HSD17B4: variants seen among roughly 807,000 people sequenced by gnomAD.
HSD17B4 encodes hydroxysteroid 17-beta dehydrogenase 4, also known as peroxisomal multifunctional enzyme type 2.
In HSD17B4, 70 loss-of-function variants were observed where a neutral mutation model predicts 101.0. The ratio of observed to expected loss-of-function variants is 0.69; its 90% CI spans 0.57 to 0.85. The LOEUF (loss-of-function observed/expected upper bound fraction) is 0.85. Among genes scored for constraint, HSD17B4 ranks in the 40% least tolerant of loss-of-function variants. The probability of loss-of-function intolerance (pLI) is 0.00; values close to 1 mark genes in which losing one functional copy is unlikely to be tolerated. For synonymous variants in HSD17B4, 347 were observed against 297.1 expected (o/e 1.17, Z -1.73); for missense variants, 984 against 892.4 (o/e 1.10, Z -1.31).
At chr5:119,473,793 G>A (rs570108148) in intron 2 of HSD17B4, 115 bp from the exon 3 acceptor site, 11 of 731,930 alleles carry the variant, frequency 1.5e-5, no homozygotes, top group Non-Finnish European at 2.8e-5. Flanking sequence ...GGAAGGAACT[G>A]GGCAGATGAC....
At chr5:119,471,736 GGC>G in intron 2 of HSD17B4, 1 of 1,100,656 alleles carries the variant, frequency 9.1e-7, no homozygotes, top group Non-Finnish European at 1.3e-6. Flanking sequence ...CAAGTTATTT[GGC>G]ATTTATCTAT....
At chr5:119,459,041 A>G (rs1754953968) in intron 2 of HSD17B4, among the ~76,000 whole-genome samples, 1 of 152,236 alleles carries the variant, frequency 6.6e-6, no homozygotes, top group South Asian at 2.1e-4. Context: ...ATTGAATTAC[A>G]ATCTTTTTAA....
chr5:119,536,001 C>G (rs1056449505), intron 22 of HSD17B4: 3 of 225,092 alleles, frequency 1.3e-5, no homozygotes, highest in African/African-American at 7.1e-5. Context: ...GTTATGGACT[C>G]TTTCAGAAGC....
intron 16 of HSD17B4, among the ~76,000 whole-genome samples, chr5:119,512,624 A>G (rs1752279658): frequency 6.6e-6 from 1 of 152,190 alleles, no homozygotes; most frequent in East Asian, 1.9e-4. Flanking sequence ...TGAGCTTTCT[A>G]AAATAAATAT....
At chr5:119,523,428 A>C (rs900819364) in intron 17 of HSD17B4, among the ~76,000 whole-genome samples, 5 of 152,180 alleles carry the variant, frequency 3.3e-5, no homozygotes, top group African/African-American at 1.2e-4. Context: ...TCTTCAAAAT[A>C]CGTAGAAGAT....
chr5:119,534,919 A>T (rs1034145231), intron 22 of HSD17B4, among the ~76,000 whole-genome samples: 1 of 152,068 alleles, frequency 6.6e-6, no homozygotes, highest in East Asian at 1.9e-4. Context: ...ACAATTTCTG[A>T]CTTTCCATCT....
chr5:119,473,826 G>A (rs28488436), intron 2 of HSD17B4, 82 bp from the exon 3 acceptor site: 85 of 836,906 alleles, frequency 1.0e-4, no homozygotes, highest in African/African-American at 9.1e-4. Flanking sequence ...CTAGTAATTA[G>A]AATTTCATTT....
At chr5:119,477,562 A>G in intron 7 of HSD17B4, 61 bp downstream of exon 7, 1 of 1,052,732 alleles carries the variant, frequency 9.5e-7, no homozygotes, top group Admixed American at 1.7e-5. Context: ...GTTCTTGTGT[A>G]CAGGGAAAGA....
At chr5:119,475,372 A>G (rs1436777752) in intron 4 of HSD17B4, among the ~76,000 whole-genome samples, 1 of 152,116 alleles carries the variant, frequency 6.6e-6, no homozygotes, top group Non-Finnish European at 1.5e-5. Context: ...TTTGAGGTTA[A>G]GTGTAGAATG....
intron 17 of HSD17B4, among the ~76,000 whole-genome samples, chr5:119,516,897 A>G (rs1023964636): frequency 1.3e-5 from 2 of 152,266 alleles, no homozygotes; most frequent in African/African-American, 4.8e-5. Flanking sequence ...GAGAAGGGAT[A>G]CTTATTAGGG....
intron 15 of HSD17B4, among the ~76,000 whole-genome samples, chr5:119,508,542 A>T (rs1580650535): frequency 6.6e-6 from 1 of 152,218 alleles, no homozygotes; most frequent in East Asian, 1.9e-4. Context: ...AAATAGAGGG[A>T]CAGCTGTCTT....
chr5:119,491,418 T>G (rs1034234977), intron 9 of HSD17B4, among the ~76,000 whole-genome samples: 23 of 152,014 alleles, frequency 1.5e-4, no homozygotes, highest in Middle Eastern at 6.8e-3. Context: ...AGTTGTGGTG[T>G]TTGAAGTGAC....
At chr5:119,491,994 T>A (rs1750151307) in intron 9 of HSD17B4, 106 bp from the exon 10 acceptor site, 1 of 874,812 alleles carries the variant, frequency 1.1e-6, no homozygotes, top group Non-Finnish European at 2.0e-6. Context: ...CCTGTTGCCT[T>A]GAATTCTAAT....
chr5:119,508,572 A>G (rs1367109723), intron 15 of HSD17B4, among the ~76,000 whole-genome samples: 1 of 152,188 alleles, frequency 6.6e-6, no homozygotes, highest in East Asian at 1.9e-4. Context: ...TTGCTCACTT[A>G]TTTGCTAACT....
rs998614375 is a variant in HSD17B4 at position 119,509,334 on chromosome 5, A to G, written c.1437+90A>G. 9 of 875,284 alleles carry G rather than the reference A, an allele frequency of 1.0e-5. No individual in the cohort carries two copies. The South Asian group carries it at 1.1e-4, about 10-fold the overall frequency. 54.2% of individuals were successfully genotyped at this position (875,284 alleles called of 1,614,324 possible). ...CTTGAACAGCATGAGTTTGAACTGC[A>G]TGAGCCCACTTATAGGCAAATTTTC... On this transcript the variant is annotated intron_variant, in intron 16 of 23. Transcript: ENST00000510025.
chr5:119,456,244 A>T, intron 1 of HSD17B4, 71 bp from the exon 2 acceptor site: 2 of 912,568 alleles, frequency 2.2e-6, no homozygotes, highest in South Asian at 1.3e-5. Flanking sequence ...TTAAATGGGG[A>T]TTGAGTTGAG....
At chr5:119,500,940 A>G (rs532480631) in intron 13 of HSD17B4, among the ~76,000 whole-genome samples, 4 of 152,212 alleles carry the variant, frequency 2.6e-5, no homozygotes, top group African/African-American at 9.6e-5. Flanking sequence ...ATGAGCTGGT[A>G]TCTGTAACTT....
At chr5:119,462,154 T>C (rs1755305136) in intron 2 of HSD17B4, among the ~76,000 whole-genome samples, 1 of 151,372 alleles carries the variant, frequency 6.6e-6, no homozygotes, top group African/African-American at 2.4e-5. Flanking sequence ...CCCTTGACTA[T>C]CATAGTCTTA....
chr5:119,458,425 C>T (rs774002662), intron 2 of HSD17B4, among the ~76,000 whole-genome samples: 4 of 150,810 alleles, frequency 2.7e-5, no homozygotes, highest in African/African-American at 4.9e-5. Flanking sequence ...CTCACTGCAA[C>T]GTCTGCCTCC....
Sources: gnomAD v4.1 joint callset for allele counts (sites outside exome capture counted in the v4.1 genomes callset) on GRCh38, gnomAD v4.1.1 for gene constraint, MANE v1.5 for transcripts, NCBI Gene and HGNC (gene_info 2026-07-23, HGNC 2026-07-21) for gene names.